The following ATF2 variants were observed in gnomAD, a reference collection of about 807,000 sequenced individuals.
ATF2 encodes cyclic AMP-dependent transcription factor ATF-2.
Under a neutral mutation model 60.6 loss-of-function variants are expected in ATF2, and 24 were observed. The observed-to-expected ratio is 0.40, with a 90% CI of 0.29 to 0.56. The LOEUF is 0.56. Ranked by LOEUF, ATF2 falls within the 20% of genes least tolerant of loss-of-function variation. ATF2 has a pLI of 0.54. For missense variants in ATF2, 433 were observed against 607.7 expected, an observed-to-expected ratio of 0.71 and a Z score of 3.02; for synonymous variants, 206 against 215.4, an observed-to-expected ratio of 0.96 and a Z score of 0.38.
At chr2:175,131,468 C>G (rs1697722167) in intron 3 of ATF2, among the ~76,000 whole-genome samples, 1 of 152,114 alleles carries the variant, frequency 6.6e-6, no homozygotes, top group East Asian at 1.9e-4. Flanking sequence ...GCTGCTGGTG[C>G]CAGTACTAGG....
At chr2:175,081,501 G>A (rs1693754215) in intron 12 of ATF2, among the ~76,000 whole-genome samples, 1 of 152,022 alleles carries the variant, frequency 6.6e-6, no homozygotes, top group African/African-American at 2.4e-5. Context: ...GAGTCACCCC[G>A]AATATTAAAA....
At chr2:175,115,664 T>C (rs1173657671) in intron 7 of ATF2, among the ~76,000 whole-genome samples, 1 of 152,144 alleles carries the variant, frequency 6.6e-6, no homozygotes, top group Non-Finnish European at 1.5e-5. Context: ...GGAAGAAGGA[T>C]AAAGTAGTAG....
Position 175,118,185 on chromosome 2 carries a change from G to T in ATF2, c.318+66C>A. 7 of 1,591,868 alleles carry T rather than the reference G, an allele frequency of 4.4e-6. No individual in the cohort carries two copies. In the South Asian group the frequency reaches 7.9e-5, roughly 18 times the overall value. On this transcript the variant is annotated intron_variant, in intron 6 of 13. Transcript: ENST00000264110. ...CAGTGTGTCTAAATTTAAAAAGCAG[G>T]AAGTATAAACTATGATTACTTTTCT...
intron 10 of ATF2, among the ~76,000 whole-genome samples, chr2:175,108,587 G>A (rs1448915100): frequency 1.3e-5 from 2 of 151,558 alleles, no homozygotes; most frequent in African/African-American, 4.8e-5. Flanking sequence ...CAGCCGACCC[G>A]TCCGGGAGGT....
intron 5 of ATF2, among the ~76,000 whole-genome samples, chr2:175,120,397 T>A (rs1696873882): frequency 6.6e-6 from 1 of 151,736 alleles, no homozygotes; most frequent in South Asian, 2.1e-4. Flanking sequence ...CCCCTACATT[T>A]TTCCTACGTA....
rs1043085068 is a variant in ATF2, at chr2:175,072,321, T to C, written c.*2288A>G. On this transcript the variant is annotated 3_prime_UTR_variant, in exon 14 of 14. Coordinates refer to ENST00000264110, the MANE Select transcript of ATF2 (RefSeq NM_001880.4). ...CATGCAAACTGCACATAAAAGAAAA[T>C]AGTACAGTTTGTGTAACATTGCAAA... The C allele has an allele frequency of 3.3e-5, 5 of 152,018 alleles. No individual in the cohort carries two copies. The highest frequency in any genetic ancestry group is 2.1e-4 in the South Asian group (1 of 4,824). 9.4% of individuals were successfully genotyped at this position (152,018 alleles called of 1,614,324 possible). A position where few individuals can be genotyped will look rare whatever the true frequency, so the allele number is the denominator to read the frequency against.
At chr2:175,160,639 A>G (rs1699963844) in intron 1 of ATF2, among the ~76,000 whole-genome samples, 1 of 152,200 alleles carries the variant, frequency 6.6e-6, no homozygotes, top group Non-Finnish European at 1.5e-5. Flanking sequence ...ATTAGCAGAG[A>G]CTTCAAAACA....
At chr2:175,153,182 C>T (rs986171142) in intron 1 of ATF2, among the ~76,000 whole-genome samples, 1 of 152,148 alleles carries the variant, frequency 6.6e-6, no homozygotes, top group Non-Finnish European at 1.5e-5. Flanking sequence ...AGATAATCAC[C>T]CAGACTTTGA....
rs191178573 is a variant in ATF2, at chr2:175,144,776, T to C, written c.-44+6284A>G. 7.2e-5 allele frequency among the ~76,000 whole-genome samples: 11 copies of C among 152,260 alleles called. No homozygotes were observed. The East Asian group carries it at 1.2e-3, about 16-fold the overall frequency. ...GAAGGGAAGGCAGCCTGATGTGAGC[T>C]GTCAATGCCCAAGTGGGCTAAGGCG... On this transcript the variant is annotated intron_variant, in intron 2 of 13. Transcript: ENST00000264110.
chr2:175,156,390 A>C (rs982314191), intron 1 of ATF2, among the ~76,000 whole-genome samples: 22 of 149,896 alleles, frequency 1.5e-4, no homozygotes, highest in Admixed American at 3.3e-4. Context: ...AAAAAAAAAA[A>C]AAAAAAAAAA....
intron 11 of ATF2, among the ~76,000 whole-genome samples, chr2:175,096,841 T>C (rs1694969359): frequency 6.6e-6 from 1 of 152,232 alleles, no homozygotes; most frequent in Non-Finnish European, 1.5e-5. Context: ...GAAGTTGTTA[T>C]TGTCTATAAA....
At chr2:175,115,573 A>G (rs1252207080) in intron 7 of ATF2, among the ~76,000 whole-genome samples, 1 of 152,196 alleles carries the variant, frequency 6.6e-6, no homozygotes, top group Middle Eastern at 3.2e-3. Flanking sequence ...TTAAATAGTC[A>G]GTGTAAAAAT....
chr2:175,150,461 A>T (rs907500880), intron 2 of ATF2, among the ~76,000 whole-genome samples: 82 of 151,660 alleles, frequency 5.4e-4, no homozygotes, highest in Non-Finnish European at 9.3e-4. Flanking sequence ...AGAAAAAAAA[A>T]TTTTTTTTTA....
At chr2:175,118,918 C>T (rs1696766132) in intron 5 of ATF2, among the ~76,000 whole-genome samples, 1 of 151,534 alleles carries the variant, frequency 6.6e-6, no homozygotes, top group African/African-American at 2.4e-5. Flanking sequence ...CCTCTTTTTA[C>T]CACTATCTAC....
intron 1 of ATF2, among the ~76,000 whole-genome samples, chr2:175,164,785 A>C (rs911581613): frequency 7.0e-4 from 107 of 152,362 alleles, no homozygotes; most frequent in African/African-American, 2.5e-3. Flanking sequence ...CTTGAGGAAC[A>C]GGTGTGAGTA....
intron 3 of ATF2, among the ~76,000 whole-genome samples, chr2:175,134,966 T>G (rs572415671): frequency 4.9e-4 from 67 of 137,880 alleles, no homozygotes; most frequent in Non-Finnish European, 1.5e-4. Flanking sequence ...ATTGTGCCAC[T>G]GCAATCCAGC....
chr2:175,114,599 CTTAG>C (rs755105246), intron 8 of ATF2, 87 bp downstream of exon 8: 198 of 1,523,386 alleles, frequency 1.3e-4, no homozygotes, highest in Non-Finnish European at 1.6e-4. Flanking sequence ...AAACTAAGAT[CTTAG>C]TTTGAATAAT....
intron 4 of ATF2, among the ~76,000 whole-genome samples, chr2:175,121,750 C>T (rs190239909): frequency 4.6e-5 from 7 of 151,000 alleles, no homozygotes; most frequent in Admixed American, 2.7e-4. Flanking sequence ...ATAAGCAATA[C>T]TGATATATTG....
intron 10 of ATF2, among the ~76,000 whole-genome samples, chr2:175,099,466 G>C (rs371839655): frequency 1.3e-5 from 2 of 152,196 alleles, no homozygotes; most frequent in African/African-American, 2.4e-5. Context: ...ATACACAGCA[G>C]TTTTACCACA....
Sources: gnomAD v4.1 joint callset for allele counts (sites outside exome capture counted in the v4.1 genomes callset) on GRCh38, gnomAD v4.1.1 for gene constraint, MANE v1.5 for transcripts, NCBI Gene and HGNC (gene_info 2026-07-23, HGNC 2026-07-21) for gene names.